Variants in ANGPTL2 observed in about 807,000 individuals in gnomAD.
ANGPTL2 encodes angiopoietin-related protein 2.
Under a neutral mutation model 52.8 loss-of-function variants are expected in ANGPTL2, and 25 were observed. The ratio of observed to expected loss-of-function variants is 0.47; its 90% CI spans 0.35 to 0.66. The LOEUF (loss-of-function observed/expected upper bound fraction) is 0.66. Among genes scored for constraint, ANGPTL2 ranks in the 30% least tolerant of loss-of-function variants. ANGPTL2 has a pLI of 0.01. For synonymous variants in ANGPTL2, 276 were observed against 277.4 expected (o/e 1.00, Z 0.05); for missense variants, 546 against 656.9 (o/e 0.83, Z 1.84).
At chr9:127,105,685 C>T (rs1044633544) in intron 2 of ANGPTL2, among the ~76,000 whole-genome samples, 6 of 152,140 alleles carry the variant, frequency 3.9e-5, no homozygotes, top group Admixed American at 1.3e-4. Context: ...ATTTTGGCCT[C>T]GACGGATACT....
At chr9:127,093,686 G>A (rs1458396657) in intron 3 of ANGPTL2, 47 bp downstream of exon 3, 1 of 1,602,804 alleles carries the variant, frequency 6.2e-7, no homozygotes, top group African/African-American at 1.3e-5. Context: ...TCTTGGGGTG[G>A]GCCAGTCACC....
intron 1 of ANGPTL2, among the ~76,000 whole-genome samples, chr9:127,113,177 G>A (rs1223687322): frequency 1.3e-5 from 2 of 152,140 alleles, no homozygotes; most frequent in African/African-American, 4.8e-5. Flanking sequence ...CCGGTGGGTT[G>A]TTATTCACCC....
chr9:127,105,177 C>T (rs776887362), intron 2 of ANGPTL2, among the ~76,000 whole-genome samples: 10 of 152,224 alleles, frequency 6.6e-5, no homozygotes, highest in Non-Finnish European at 1.5e-4. Flanking sequence ...AAGAAATCTA[C>T]TGGTAATGAG....
At chr9:127,090,816 AG>A (rs898852710) in intron 4 of ANGPTL2, among the ~76,000 whole-genome samples, 2 of 152,204 alleles carry the variant, frequency 1.3e-5, no homozygotes, top group Non-Finnish European at 2.9e-5. Flanking sequence ...GCAGACTGAG[AG>A]GCCTTCATCT....
Position 127,108,095 on chromosome 9 carries a change from C to CG in ANGPTL2, c.636dup (p.Val213ArgfsTer33). On this transcript the variant is annotated frameshift_variant, in exon 2 of 5. Coordinates refer to ENST00000373425, the MANE Select transcript of ANGPTL2 (RefSeq NM_012098.3). LOFTEE classifies it high-confidence loss of function. ...GGGGCAGCGGGGGGTGGCTGGGGGA[C>CG]GGGCCTGGCCGAGGGCACCCTCTGG... 6.2e-7 allele frequency: 1 copy of CG among 1,610,824 alleles called. No individual in the cohort carries two copies. The highest frequency in any genetic ancestry group is 8.5e-7 in the Non-Finnish European group (1 of 1,178,458).
Position 127,108,212 on chromosome 9 carries a change from T to G in ANGPTL2, c.520A>C (p.Ser174Arg), listed in dbSNP as rs2054426001. ...NQTADMLQLA[S>R]KYKDLEHKYQ... is the part of the protein sequence containing the mutation. ...TTGTGCTCCAGGTCCTTGTACTTGC[T>G]GGCCAGCTGCAGCATGTCGGCTGTC... The change falls in exon 2 of 5, where the codon AGC (serine) becomes CGC (arginine). Residue 174 changes from serine (S) to arginine (R), a missense_variant. Ser to Arg is a moderately radical substitution (Grantham distance 110). Coordinates refer to ENST00000373425, the MANE Select transcript of ANGPTL2 (RefSeq NM_012098.3). The G allele has an allele frequency of 6.2e-7, 1 of 1,614,100 alleles. No individual in the cohort carries two copies. The highest frequency in any genetic ancestry group is 8.5e-7 in the Non-Finnish European group (1 of 1,179,996).
intron 2 of ANGPTL2, among the ~76,000 whole-genome samples, chr9:127,107,584 C>A (rs2054341056): frequency 6.6e-6 from 1 of 152,250 alleles, no homozygotes; most frequent in South Asian, 2.1e-4. Context: ...GAGACATTCT[C>A]TTCTATCTGC....
chr9:127,102,571 G>A (rs1466399237), intron 2 of ANGPTL2, among the ~76,000 whole-genome samples: 1 of 152,182 alleles, frequency 6.6e-6, no homozygotes, highest in Non-Finnish European at 1.5e-5. Flanking sequence ...TCCTATGACT[G>A]TAAATACCCT....
chr9:127,095,170 A>G lies in ANGPTL2; in HGVS notation c.818-1244T>C, dbSNP rs571556612. Among the ~76,000 whole-genome samples, 11 of 152,336 alleles carry G rather than the reference A, an allele frequency of 7.2e-5. No individual in the cohort carries two copies. In the East Asian group the frequency reaches 1.7e-3, roughly 24 times the overall value. On this transcript the variant is annotated intron_variant, in intron 2 of 4. Coordinates refer to ENST00000373425, the MANE Select transcript of ANGPTL2 (RefSeq NM_012098.3). ...TCCCAGCACTTTGGGAGGCTGAGGCAGGCAGATCACAAAGTCAGGAGATCG... is the reference window on the plus strand; with the variant it reads ...TCCCAGCACTTTGGGAGGCTGAGGCGGGCAGATCACAAAGTCAGGAGATCG...
In ANGPTL2 at chr9:127,089,012, T is replaced by C. The variant is rs202071424; in HGVS notation, c.1409A>G (p.Glu470Gly). The C allele has an allele frequency of 6.2e-7, 1 of 1,614,214 alleles. No homozygotes were observed. Among genetic ancestry groups the C allele is most frequent in the East Asian group, 2.2e-5 (1 of 44,882 alleles). Residue 470 changes from glutamate to glycine, a missense_variant, in exon 5 of 5, where the codon GAG becomes GGG. Transcript: ENST00000373425. ...GAGTGAGTAAGAGCCTCCTCGGAAC[T>C]CAGCCCAGTAGACTCCGTCCTGGTA... Reference protein sequence around the residue: ...SRYQDGVYWAEFRGGSYSLKK... With the variant: ...SRYQDGVYWAGFRGGSYSLKK...
intron 3 of ANGPTL2, among the ~76,000 whole-genome samples, chr9:127,092,434 C>G (rs1307042495): frequency 2.6e-5 from 4 of 151,956 alleles, no homozygotes; most frequent in Admixed American, 1.3e-4. Context: ...GTCTAAAACC[C>G]AGTGGTTTTG....
Position 127,091,406 on chromosome 9 carries a change from C to T in ANGPTL2, c.1282+264G>A, listed in dbSNP as rs1012696833. ...GCATTGGCCCCAGCTGGCCCTGGTA[C>T]GTGTGATTTGTATACCTCTTTATGT... On this transcript the variant is annotated intron_variant, in intron 4 of 4. Transcript: ENST00000373425. The surrounding 1 kb of genome is among the most constrained non-coding windows in gnomAD (Gnocchi z 4.3). Among the ~76,000 whole-genome samples the T allele has an allele frequency of 3.3e-5, 5 of 152,150 alleles. No homozygotes were observed. The highest frequency in any genetic ancestry group is 9.7e-5 in the African/African-American group (4 of 41,404).
intron 1 of ANGPTL2, among the ~76,000 whole-genome samples, chr9:127,119,006 C>T (rs1269600024): frequency 1.3e-5 from 2 of 152,138 alleles, no homozygotes; most frequent in Admixed American, 6.5e-5. Context: ...ATGTAGAAAG[C>T]GCATCAATAG....
chr9:127,102,999 G>A (rs1404822358), intron 2 of ANGPTL2, among the ~76,000 whole-genome samples: 2 of 152,142 alleles, frequency 1.3e-5, no homozygotes, highest in Non-Finnish European at 2.9e-5. Flanking sequence ...ACCCTCACTC[G>A]CCACCATCAC....
intron 1 of ANGPTL2, among the ~76,000 whole-genome samples, chr9:127,121,141 C>T (rs971094230): frequency 1.3e-5 from 2 of 152,198 alleles, no homozygotes; most frequent in Admixed American, 1.3e-4. Flanking sequence ...AATGCCTGTG[C>T]TATAGGGTGG....
At chr9:127,115,492 A>G (rs1037267784) in intron 1 of ANGPTL2, among the ~76,000 whole-genome samples, 1 of 152,222 alleles carries the variant, frequency 6.6e-6, no homozygotes, top group Non-Finnish European at 1.5e-5. Context: ...CCTAAGAGAA[A>G]GGTATTATAT....
At chr9:127,090,318 T>TA (rs1314404206) in intron 4 of ANGPTL2, among the ~76,000 whole-genome samples, 2 of 152,228 alleles carry the variant, frequency 1.3e-5, no homozygotes, top group African/African-American at 4.8e-5. Context: ...AGAAAGGCTG[T>TA]AGCAGCCCCT....
intron 2 of ANGPTL2, 101 bp from the exon 3 acceptor site, chr9:127,094,027 T>C: frequency 1.5e-6 from 2 of 1,364,110 alleles, no homozygotes; most frequent in Non-Finnish European, 2.0e-6. Context: ...AGGCTCCAGC[T>C]GGGAGCCACA....
At chr9:127,114,147 G>T (rs370743588) in intron 1 of ANGPTL2, among the ~76,000 whole-genome samples, 1 of 152,194 alleles carries the variant, frequency 6.6e-6, no homozygotes, top group African/African-American at 2.4e-5. Context: ...TTTGAGGGCC[G>T]CCATGCATGG....
Sources: allele counts gnomAD v4.1 joint callset (sites outside exome capture counted in the v4.1 genomes callset), GRCh38; gene constraint gnomAD v4.1.1; non-coding constraint Gnocchi (gnomAD v3.1); transcripts MANE v1.5; gene names NCBI Gene and HGNC (gene_info 2026-07-23, HGNC 2026-07-21).